PLCE1: variants seen among roughly 807,000 people sequenced by gnomAD.
PLCE1 encodes phospholipase C epsilon 1.
A neutral mutation model predicts 242.8 loss-of-function variants in PLCE1; 119 were observed. The observed-to-expected ratio is 0.49, with a 90% CI of 0.42 to 0.57. The LOEUF is 0.57. Among genes scored for constraint, PLCE1 ranks in the 20% least tolerant of loss-of-function variants. The pLI, the probability that PLCE1 is intolerant of heterozygous loss-of-function variation, is 0.00. For missense variants in PLCE1, 2,441 were observed against 2,788.8 expected, an observed-to-expected ratio of 0.88 and a Z score of 2.81; for synonymous variants, 945 against 1,017.4, an observed-to-expected ratio of 0.93 and a Z score of 1.35.
intron 2 of PLCE1, among the ~76,000 whole-genome samples, chr10:94,079,258 G>A (rs1026101036): frequency 5.3e-5 from 8 of 152,086 alleles, no homozygotes; most frequent in African/African-American, 1.9e-4. Context: ...CAAATCTGAG[G>A]TCACGAAGCT....
chr10:94,243,568 G>GTGT (rs2050581467), intron 7 of PLCE1, among the ~76,000 whole-genome samples: 1 of 152,094 alleles, frequency 6.6e-6, no homozygotes, highest in Admixed American at 6.5e-5. Flanking sequence ...CACTGTCTTT[G>GTGT]GAATTTTCTA....
At chr10:94,307,053 G>A (rs1296949989) in intron 26 of PLCE1, among the ~76,000 whole-genome samples, 6 of 152,172 alleles carry the variant, frequency 3.9e-5, no homozygotes, top group Non-Finnish European at 7.4e-5. Flanking sequence ...ATAAGTGACC[G>A]TGCAGTTGGA....
intron 23 of PLCE1, among the ~76,000 whole-genome samples, chr10:94,294,078 G>T (rs1038749874): frequency 6.6e-6 from 1 of 152,126 alleles, no homozygotes; most frequent in Non-Finnish European, 1.5e-5. Flanking sequence ...CTGTACCCCA[G>T]CCTGGGTGAC....
intron 2 of PLCE1, among the ~76,000 whole-genome samples, chr10:94,057,167 T>C (rs1378715780): frequency 6.6e-6 from 1 of 152,176 alleles, no homozygotes; most frequent in African/African-American, 2.4e-5. Context: ...GTTATATATA[T>C]CTAGGAATAG....
chr10:94,074,277 C>A (rs914104162), intron 2 of PLCE1, among the ~76,000 whole-genome samples: 1 of 150,126 alleles, frequency 6.7e-6, no homozygotes, highest in Non-Finnish European at 1.5e-5. Context: ...ACTGCAGCTT[C>A]GAACTCCTGA....
rs56088035 is a variant in PLCE1 at position 94,166,579 on chromosome 10, G to GGTGTGTGT, written c.1493-4574_1493-4567dup. On this transcript the variant is annotated intron_variant, in intron 3 of 32. Coordinates refer to ENST00000371380, the MANE Select transcript of PLCE1 (RefSeq NM_016341.4). ...CATTCTCTACCCAGAAGAGAAAAAA[G>GGTGTGTGT]GTGTGTGTGTGTGTGTGTGTGTGTG... 5.3e-3 allele frequency among the ~76,000 whole-genome samples: 775 copies of GGTGTGTGT among 145,962 alleles called. 8 individuals carry two copies. The highest frequency in any genetic ancestry group is 0.018 in the African/African-American group (696 of 39,120).
intron 1 of PLCE1, among the ~76,000 whole-genome samples, chr10:94,004,695 A>G (rs1047147615): frequency 1.3e-5 from 2 of 152,010 alleles, no homozygotes; most frequent in Non-Finnish European, 2.9e-5. Context: ...TTTTTCAACC[A>G]TCTTTTCTCA....
chr10:94,032,009 A>T lies in PLCE1; in HGVS notation c.963A>T (p.Arg321=). The T allele has an allele frequency of 6.2e-7, 1 of 1,613,822 alleles. No homozygotes were observed. The highest frequency in any genetic ancestry group is 8.5e-7 in the Non-Finnish European group (1 of 1,179,812). ...EEDAFKSKKE[R]STLLVRRFCK... ...ACGCTTTTAAAAGCAAAAAGGAGCG[A>T]TCCACTTTGTTAGTCAGGAGATTCT... is the stretch of plus-strand genomic sequence containing the variant. The change falls in exon 2 of 33, where the codon CGA becomes CGT. Residue 321 remains arginine, a synonymous_variant. Transcript: ENST00000371380.
chr10:94,233,766 G>C (rs534509737), intron 5 of PLCE1, among the ~76,000 whole-genome samples: 16 of 152,008 alleles, frequency 1.1e-4, no homozygotes, highest in African/African-American at 3.6e-4. Context: ...TGGCCAACAT[G>C]GCGAAACCCC....
intron 19 of PLCE1, among the ~76,000 whole-genome samples, chr10:94,275,608 G>T (rs1246723361): frequency 6.6e-6 from 1 of 152,196 alleles, no homozygotes; most frequent in Non-Finnish European, 1.5e-5. Flanking sequence ...GGCCGAGGCA[G>T]GTCGATTGCT....
chr10:94,309,338 AGT>A (rs953295579), intron 27 of PLCE1, among the ~76,000 whole-genome samples: 23 of 151,490 alleles, frequency 1.5e-4, no homozygotes, highest in African/African-American at 5.6e-4. Context: ...TTCCAGAGAC[AGT>A]GTGTCTCTGT....
At chr10:94,223,797 A>C (rs138731035) in intron 4 of PLCE1, among the ~76,000 whole-genome samples, 194 of 151,944 alleles carry the variant, frequency 1.3e-3, no homozygotes, top group African/African-American at 4.2e-3. Flanking sequence ...CTCTAGTAGC[A>C]CTCCCTATGC....
chr10:94,015,856 T>A (rs968106028), intron 1 of PLCE1, among the ~76,000 whole-genome samples: 6 of 152,230 alleles, frequency 3.9e-5, no homozygotes, highest in African/African-American at 1.4e-4. Context: ...AACTATCACC[T>A]AACCCTAGTA....
intron 4 of PLCE1, among the ~76,000 whole-genome samples, chr10:94,210,871 G>A (rs888471800): frequency 6.6e-6 from 1 of 152,146 alleles, no homozygotes; most frequent in Non-Finnish European, 1.5e-5. Flanking sequence ...TGTTTTCCTT[G>A]TTGGGGCCTC....
At chr10:94,014,933 A>G (rs967842906) in intron 1 of PLCE1, among the ~76,000 whole-genome samples, 15 of 152,238 alleles carry the variant, frequency 9.9e-5, no homozygotes, top group Admixed American at 2.6e-4. Flanking sequence ...CACTAGCCTC[A>G]GCCTCATGGG....
intron 23 of PLCE1, among the ~76,000 whole-genome samples, chr10:94,295,208 G>A (rs748077319): frequency 3.3e-5 from 5 of 152,008 alleles, no homozygotes; most frequent in African/African-American, 7.2e-5. Flanking sequence ...GAGCCACCGC[G>A]CCCGGCCATG....
intron 8 of PLCE1, among the ~76,000 whole-genome samples, chr10:94,251,059 G>A (rs1399048285): frequency 6.6e-6 from 1 of 152,118 alleles, no homozygotes; most frequent in African/African-American, 2.4e-5. Context: ...GGGATCATGT[G>A]CCAATCATTG....
intron 2 of PLCE1, among the ~76,000 whole-genome samples, chr10:94,121,591 GAATGCTTATTT>G (rs934185024): frequency 2.6e-5 from 4 of 152,126 alleles, no homozygotes; most frequent in Non-Finnish European, 5.9e-5. Context: ...TTATCCCTTT[GAATGCTTATTT>G]ATAACAACTC....
intron 10 of PLCE1, 133 bp downstream of exon 10, chr10:94,254,440 T>C (rs984828365): frequency 1.2e-5 from 9 of 732,972 alleles, no homozygotes; most frequent in Middle Eastern, 2.6e-4. Flanking sequence ...AACCAGACAA[T>C]GAAACCTAAA....
Sources: allele counts gnomAD v4.1 joint callset (sites outside exome capture counted in the v4.1 genomes callset), GRCh38; gene constraint gnomAD v4.1.1; transcripts MANE v1.5; gene names NCBI Gene and HGNC (gene_info 2026-07-23, HGNC 2026-07-21).